The following RNF213 variants were observed in gnomAD, a reference collection of about 807,000 sequenced individuals.
RNF213 encodes the protein E3 ubiquitin-protein ligase RNF213.
In RNF213, 341 loss-of-function variants were observed where a neutral mutation model predicts 514.4. That is an observed-to-expected ratio of 0.66 (90% CI 0.61 to 0.73). The LOEUF (loss-of-function observed/expected upper bound fraction) is 0.73, where lower values mean the gene tolerates loss of function less well. RNF213 is among the 30% of genes least tolerant of loss of function. The pLI is 0.00. For missense variants in RNF213, 5,767 were observed against 6,615.6 expected (o/e 0.87, Z 4.45); for synonymous variants, 2,655 against 2,658.2 (o/e 1.00, Z 0.04).
intron 31 of RNF213, among the ~76,000 whole-genome samples, chr17:80,351,292 G>T (rs1404020706): frequency 1.1e-4 from 16 of 152,192 alleles, no homozygotes; most frequent in Non-Finnish European, 7.3e-5. Context: ...AGACCAGGCT[G>T]GGCAACACAG....
rs1029090550 is a variant in RNF213 at position 80,396,653 on chromosome 17, G to C, written c.*3155G>C. Reference sequence around the variant, plus strand: ...TTCTGCATTATTCTCATCCTATCACGTTCATTAAGTTCAACCATTACCATT... The same window carrying C: ...TTCTGCATTATTCTCATCCTATCACCTTCATTAAGTTCAACCATTACCATT... On this transcript the variant is annotated 3_prime_UTR_variant, in exon 68 of 68. Transcript: ENST00000582970. 1 of 147,140 alleles carries C rather than the reference G, an allele frequency of 6.8e-6. No individual in the cohort carries two copies. Among genetic ancestry groups the C allele is most frequent in the Non-Finnish European group, 1.5e-5 (1 of 67,530 alleles). The allele number at this position is 147,140 out of a possible 1,614,324, so 9.1% of individuals were successfully genotyped here.
intron 66 of RNF213, 32 bp downstream of exon 66, chr17:80,389,949 G>A (rs1371437182): frequency 1.2e-6 from 2 of 1,612,412 alleles, no homozygotes; most frequent in Non-Finnish European, 1.7e-6. Context: ...CTGCTGGACA[G>A]AGGGACTGCG....
At chr17:80,354,599 G>A (rs1220467397) in intron 36 of RNF213, 23 bp downstream of exon 36, 3 of 1,613,946 alleles carry the variant, frequency 1.9e-6, no homozygotes, top group East Asian at 4.5e-5. Flanking sequence ...AAGGAAGCAA[G>A]GAGTGGCTCC....
chr17:80,351,131 T>C (rs1430786509), intron 31 of RNF213, among the ~76,000 whole-genome samples: 2 of 152,216 alleles, frequency 1.3e-5, no homozygotes, highest in Non-Finnish European at 2.9e-5. Context: ...AACAAGAAAC[T>C]GGCTTTGGCC....
intron 20 of RNF213, 26 bp downstream of exon 20, chr17:80,328,503 G>A (rs2046335575): frequency 6.5e-7 from 1 of 1,536,860 alleles, no homozygotes; most frequent in Non-Finnish European, 8.7e-7. Flanking sequence ...AGTGAACAAA[G>A]TTGAGGGCTC....
Position 80,273,294 on chromosome 17 carries a change from T to C in RNF213, c.151T>C (p.Cys51Arg), listed in dbSNP as rs750290004. 5.6e-6 allele frequency: 9 copies of C among 1,613,226 alleles called. No individual in the cohort carries two copies. In the Middle Eastern group the frequency reaches 5.0e-4, roughly 89 times the overall value. The part of the protein sequence containing the change: ...MASASEGEME[C>R]GQELKEEGGP... ...GTCGGCCTCGGAGGGTGAAATGGAG[T>C]GTGGGCAGGAGCTGAAGGAGGAAGG... The change falls in exon 3 of 68, where the codon TGT becomes CGT. Residue 51 changes from cysteine to arginine, a missense_variant. Transcript: ENST00000582970.
At chr17:80,279,301 T>C (rs7219660) in intron 3 of RNF213, among the ~76,000 whole-genome samples, 58,210 of 151,636 alleles carry the variant, frequency 0.38, 11,496 homozygotes, top group Non-Finnish European at 0.44. Context: ...CCAAGGGGGC[T>C]TAGAGGGCCA....
intron 3 of RNF213, among the ~76,000 whole-genome samples, chr17:80,273,607 C>T (rs932715855): frequency 5.4e-5 from 8 of 148,450 alleles, no homozygotes; most frequent in South Asian, 4.2e-4. Flanking sequence ...CTGGGGCCTC[C>T]ACCGTCTTTT....
chr17:80,346,894 C>T lies in RNF213; in HGVS notation c.8559C>T (p.Pro2853=). The T allele has an allele frequency of 6.2e-7, 1 of 1,614,024 alleles. No individual in the cohort carries two copies. The highest frequency in any genetic ancestry group is 1.1e-5 in the South Asian group (1 of 91,072). Residue 2853 remains proline (P), a synonymous_variant, in exon 29 of 68, where the codon CCC becomes CCT. Transcript: ENST00000582970. The surrounding 1 kb of genome is among the most constrained non-coding windows in gnomAD (Gnocchi z 8.1). ...AGGTGGGGCTGGCGGAAGACTCACC[C>T]AAAATGCCCCTGAAGACTCTGCACC... The part of the protein sequence containing the change: ...LDEVGLAEDS[P]KMPLKTLHPL...
rs568680037 is a variant in RNF213 at position 80,350,369 on chromosome 17, G to C, written c.10157G>C (p.Arg3386Pro). 1 of 1,610,614 alleles carries C rather than the reference G, an allele frequency of 6.2e-7. No individual in the cohort carries two copies. ...IFQTDFEDGI[R>P]SAQLIASAKY... ...CAGACAGATTTTGAAGATGGAATCCGTAGCGCCCAGCTCATTGCCTCAGCT... is the reference window on the plus strand; with the variant it reads ...CAGACAGATTTTGAAGATGGAATCCCTAGCGCCCAGCTCATTGCCTCAGCT... Residue 3386 changes from arginine (R) to proline (P), a missense_variant, in exon 31 of 68, where the codon CGT becomes CCT. Physicochemically the swap from Arg to Pro is moderately radical, Grantham distance 103. Coordinates refer to ENST00000582970, the MANE Select transcript of RNF213 (RefSeq NM_001256071.3).
intron 57 of RNF213, 24 bp downstream of exon 57, chr17:80,381,751 G>GC: frequency 6.2e-7 from 1 of 1,605,928 alleles, no homozygotes. Context: ...CAAGGGCTGG[G>GC]CGGGGATCAC....
In RNF213 at chr17:80,264,292, T is replaced by C. The variant is rs2043532730; in HGVS notation, c.97+514T>C. Reference sequence around the variant, plus strand: ...TTGAGGCTCTGCAGGGGTTGAGAGCTCTGCCTGGGTTAGTTTTTGAGGGGC... The same window carrying C: ...TTGAGGCTCTGCAGGGGTTGAGAGCCCTGCCTGGGTTAGTTTTTGAGGGGC... On this transcript the variant is annotated intron_variant, in intron 2 of 67. Coordinates refer to ENST00000582970, the MANE Select transcript of RNF213 (RefSeq NM_001256071.3). This position sits in a 1 kb window ranked among gnomAD's most constrained non-coding sequence, Gnocchi z 5.0. Among the ~76,000 whole-genome samples, 1 of 152,128 alleles carries C rather than the reference T, an allele frequency of 6.6e-6. No individual in the cohort carries two copies. Among genetic ancestry groups the C allele is most frequent in the Non-Finnish European group, 1.5e-5 (1 of 68,016 alleles).
At chr17:80,319,841 C>T (rs9892846) in intron 17 of RNF213, 783,212 of 1,189,278 alleles carry the variant, frequency 0.66, 261,133 homozygotes, top group Middle Eastern at 0.71. Context: ...CTGCTGGCCA[C>T]GGCTGCCCTG....
chr17:80,279,720 T>C (rs9901460), intron 3 of RNF213, among the ~76,000 whole-genome samples: 152,124 of 152,126 alleles, frequency 1, 76,061 homozygotes, highest in Middle Eastern at 1. Flanking sequence ...CCACCCATCT[T>C]GGCCTTCCAA....
chr17:80,297,198 T>A (rs2044984544), intron 10 of RNF213, among the ~76,000 whole-genome samples: 1 of 151,128 alleles, frequency 6.6e-6, no homozygotes, highest in Non-Finnish European at 1.5e-5. Flanking sequence ...ACGCCTGTAA[T>A]CCCAGCACTT....
intron 26 of RNF213, among the ~76,000 whole-genome samples, chr17:80,342,524 G>A (rs1449574814): frequency 1.4e-5 from 2 of 145,398 alleles, no homozygotes; most frequent in Non-Finnish European, 3.0e-5. Context: ...TCCTAGCCCT[G>A]GGACTTAATT....
At chr17:80,373,350 A>C (rs2079603299) in intron 49 of RNF213, among the ~76,000 whole-genome samples, 185 bp downstream of exon 49, 1 of 141,162 alleles carries the variant, frequency 7.1e-6, no homozygotes, top group Admixed American at 7.2e-5. Context: ...CCTCACACCC[A>C]GGGATGGTGC....
At chr17:80,384,989 C>A (rs574695062) in intron 59 of RNF213, 50 bp from the exon 60 acceptor site, 38 of 1,606,140 alleles carry the variant, frequency 2.4e-5, no homozygotes, top group Non-Finnish European at 3.1e-5. Flanking sequence ...ACCCCAATAA[C>A]ATTTTTTAGG....
chr17:80,347,338 C>T lies in RNF213; in HGVS notation c.9003C>T (p.Ala3001=). The T allele has an allele frequency of 3.7e-6, 6 of 1,613,988 alleles. No homozygotes were observed. The highest frequency in any genetic ancestry group is 1.3e-5 in the African/African-American group (1 of 75,052). The change falls in exon 29 of 68, where the codon GCC becomes GCT. Residue 3001 remains alanine, a synonymous_variant. Transcript: ENST00000582970. The surrounding 1 kb of genome is among the most constrained non-coding windows in gnomAD (Gnocchi z 7.2). ...TCCAAGCTTTGGACATCTTTCTGGC[C>T]AATTTGCCCGAGGCCAAGTGCTCAG... ...DDIQALDIFL[A]NLPEAKCSEE...
Sources: gnomAD v4.1 joint callset for allele counts (sites outside exome capture counted in the v4.1 genomes callset) on GRCh38, gnomAD v4.1.1 for gene constraint, Gnocchi (gnomAD v3.1) non-coding constraint, MANE v1.5 for transcripts, NCBI Gene and HGNC (gene_info 2026-07-23, HGNC 2026-07-21) for gene names.